The following CNTNAP2 variants were observed in gnomAD, a reference collection of about 807,000 sequenced individuals.
The protein encoded by CNTNAP2 is contactin associated protein 2.
In CNTNAP2, 98 loss-of-function variants were observed where a neutral mutation model predicts 155.2. The ratio of observed to expected loss-of-function variants is 0.63; its 90% CI spans 0.54 to 0.75. The LOEUF (loss-of-function observed/expected upper bound fraction) is 0.75. Ranked by LOEUF, CNTNAP2 falls within the 30% of genes least tolerant of loss-of-function variation. The pLI, the probability that CNTNAP2 is intolerant of heterozygous loss-of-function variation, is 0.00. For synonymous variants in CNTNAP2, 651 were observed against 631.2 expected (o/e 1.03, Z -0.47); for missense variants, 1,727 against 1,688.1 (o/e 1.02, Z -0.40).
chr7:146,488,904 G>T (rs1478628838), intron 1 of CNTNAP2, among the ~76,000 whole-genome samples: 1 of 152,154 alleles, frequency 6.6e-6, no homozygotes, highest in Non-Finnish European at 1.5e-5. Context: ...ACGGGTGTGG[G>T]CCACCACGCT....
chr7:147,789,543 C>T (rs560848639), intron 13 of CNTNAP2, among the ~76,000 whole-genome samples: 1 of 152,192 alleles, frequency 6.6e-6, no homozygotes, highest in Admixed American at 6.5e-5. Flanking sequence ...CAAGCTCTTA[C>T]CTTTGCCCCT....
At chr7:147,115,694 T>C (rs1800971879) in intron 5 of CNTNAP2, among the ~76,000 whole-genome samples, 1 of 152,126 alleles carries the variant, frequency 6.6e-6, no homozygotes, top group Admixed American at 6.6e-5. Context: ...CTGGGTGTTC[T>C]GGCTATCAGA....
chr7:147,999,215 T>C (rs2116891235), intron 15 of CNTNAP2, among the ~76,000 whole-genome samples: 1 of 152,234 alleles, frequency 6.6e-6, no homozygotes, highest in South Asian at 2.1e-4. Context: ...CCTGAGTAGC[T>C]GGAATTACAG....
chr7:148,136,441 G>A (rs146163800), intron 16 of CNTNAP2, among the ~76,000 whole-genome samples: 154 of 152,228 alleles, frequency 1.0e-3, no homozygotes, highest in African/African-American at 3.6e-3. Flanking sequence ...GTGATGTGCT[G>A]CTGTTCCTTC....
chr7:147,219,194 T>C (rs1431973693), intron 8 of CNTNAP2, among the ~76,000 whole-genome samples: 2 of 152,154 alleles, frequency 1.3e-5, no homozygotes, highest in Non-Finnish European at 2.9e-5. Flanking sequence ...GTCAGGGTTC[T>C]TTAAAGGGAC....
intron 21 of CNTNAP2, among the ~76,000 whole-genome samples, chr7:148,294,393 C>T (rs1797244621): frequency 6.6e-6 from 1 of 152,174 alleles, no homozygotes; most frequent in South Asian, 2.1e-4. Context: ...TTATGTACGG[C>T]TAACTTAAGA....
At chr7:146,842,855 T>G (rs1392064382) in intron 3 of CNTNAP2, among the ~76,000 whole-genome samples, 1 of 148,902 alleles carries the variant, frequency 6.7e-6, no homozygotes, top group Non-Finnish European at 1.5e-5. Context: ...CCGGCTAATT[T>G]TTTGTATTTT....
In CNTNAP2 at chr7:148,307,294, A is replaced by G. The variant is rs966677049; in HGVS notation, c.3475+40168A>G. Among the ~76,000 whole-genome samples the G allele has an allele frequency of 2.6e-5, 4 of 152,246 alleles. No individual in the cohort carries two copies. In the East Asian group the frequency reaches 5.8e-4, roughly 22 times the overall value. On this transcript the variant is annotated intron_variant, in intron 21 of 23. Coordinates refer to ENST00000361727, the MANE Select transcript of CNTNAP2 (RefSeq NM_014141.6). ...CTGGGGTAGGGATCTGGGGATATAAATGTTCTTCACGAGCTTCCAGTGAGT... is the reference window on the plus strand; with the variant it reads ...CTGGGGTAGGGATCTGGGGATATAAGTGTTCTTCACGAGCTTCCAGTGAGT...
chr7:146,811,258 G>C (rs1366654172), intron 2 of CNTNAP2, among the ~76,000 whole-genome samples: 1 of 152,128 alleles, frequency 6.6e-6, no homozygotes, highest in Non-Finnish European at 1.5e-5. Flanking sequence ...GTGATGCCAT[G>C]TGTTTTAGGC....
intron 10 of CNTNAP2, among the ~76,000 whole-genome samples, chr7:147,433,133 C>T (rs747939732): frequency 2.0e-5 from 3 of 152,136 alleles, no homozygotes; most frequent in East Asian, 3.9e-4. Flanking sequence ...AGTGGCCATC[C>T]GCAGAGTGCT....
At chr7:146,584,918 A>C (rs981726763) in intron 1 of CNTNAP2, among the ~76,000 whole-genome samples, 1 of 152,166 alleles carries the variant, frequency 6.6e-6, no homozygotes, top group Admixed American at 6.5e-5. Context: ...TTAAATTTTG[A>C]ATAATAGTAG....
At chr7:146,688,196 A>C (rs1157690199) in intron 1 of CNTNAP2, among the ~76,000 whole-genome samples, 2 of 152,168 alleles carry the variant, frequency 1.3e-5, no homozygotes, top group East Asian at 3.8e-4. Context: ...ATAATACTCA[A>C]ATCATTGTTA....
intron 1 of CNTNAP2, among the ~76,000 whole-genome samples, chr7:146,237,454 C>T (rs993370967): frequency 3.9e-5 from 6 of 152,194 alleles, no homozygotes; most frequent in African/African-American, 1.4e-4. Context: ...ATCTGACATA[C>T]TTTGCATTGC....
intron 4 of CNTNAP2, chr7:147,081,573 C>T (rs1800129668): frequency 6.8e-6 from 1 of 147,498 alleles, no homozygotes; most frequent in South Asian, 2.2e-4. Flanking sequence ...CACCACCACA[C>T]CCGGCTAATT....
At chr7:146,898,182 T>C (rs193093980) in intron 3 of CNTNAP2, among the ~76,000 whole-genome samples, 112 of 152,198 alleles carry the variant, frequency 7.4e-4, no homozygotes, top group African/African-American at 2.6e-3. Context: ...GCAATTATCT[T>C]CTGGATTTTA....
intron 21 of CNTNAP2, among the ~76,000 whole-genome samples, chr7:148,307,516 A>G (rs955718589): frequency 6.6e-6 from 1 of 152,166 alleles, no homozygotes; most frequent in Non-Finnish European, 1.5e-5. Flanking sequence ...GGTTGTTATC[A>G]TCCCCTGCCT....
intron 10 of CNTNAP2, among the ~76,000 whole-genome samples, chr7:147,429,239 G>T (rs1198408088): frequency 6.6e-6 from 1 of 151,596 alleles, no homozygotes. Context: ...TGCAATTGCA[G>T]ATTGTCATTT....
chr7:147,197,407 C>T (rs2116539720), intron 8 of CNTNAP2, among the ~76,000 whole-genome samples: 1 of 132,168 alleles, frequency 7.6e-6, no homozygotes, highest in African/African-American at 2.8e-5. Context: ...TCTTTTCTTG[C>T]TCTGTGTGTT....
intron 1 of CNTNAP2, among the ~76,000 whole-genome samples, chr7:146,612,931 CT>C (rs10593929): frequency 0.065 from 9,027 of 139,274 alleles, 484 homozygotes; most frequent in African/African-American, 0.17. Context: ...TAACATCTGT[CT>C]TTTTTTTTTT....
Sources: gnomAD v4.1 joint callset for allele counts (sites outside exome capture counted in the v4.1 genomes callset) on GRCh38, gnomAD v4.1.1 for gene constraint, MANE v1.5 for transcripts, NCBI Gene and HGNC (gene_info 2026-07-23, HGNC 2026-07-21) for gene names.